Variants in KANK1 observed in about 807,000 individuals in gnomAD.
The protein encoded by KANK1 is KN motif and ankyrin repeat domains 1.
KANK1 carries 109 observed loss-of-function variants against 106.2 expected under a neutral mutation model. The observed-to-expected ratio is 1.03, with a 90% confidence interval of 0.88 to 1.20. The LOEUF is 1.20. Ranked by LOEUF, KANK1 falls within the 50% of genes most tolerant of loss-of-function variation. KANK1 has a pLI of 0.00. For missense variants in KANK1, 2,399 were observed against 1,710.7 expected, an observed-to-expected ratio of 1.40 and a Z score of -7.10; for synonymous variants, 873 against 652.2, an observed-to-expected ratio of 1.34 and a Z score of -5.16.
At chr9:614,681 G>C (rs1302143874) in intron 1 of KANK1, among the ~76,000 whole-genome samples, 1 of 152,142 alleles carries the variant, frequency 6.6e-6, no homozygotes, top group African/African-American at 2.4e-5. Flanking sequence ...GCATTTCCGT[G>C]TGCCTCCTGG....
intron 1 of KANK1, among the ~76,000 whole-genome samples, chr9:550,387 C>G (rs774615386): frequency 2.6e-5 from 4 of 152,172 alleles, no homozygotes; most frequent in African/African-American, 4.8e-5. Flanking sequence ...TACATGAAGC[C>G]TGATTGCAGA....
rs543605379 is a variant in KANK1 at position 588,516 on chromosome 9, C to T, written c.-84+83762C>T. 2.6e-5 allele frequency among the ~76,000 whole-genome samples: 4 copies of T among 152,036 alleles called. No individual in the cohort carries two copies. The East Asian group carries it at 7.7e-4, about 29-fold the overall frequency. ...TCGAAAGGCCACACCAGTTTATAAT[C>T]TCAGTAGCAGTATATTGAAGTACCT... On this transcript the variant is annotated intron_variant, in intron 1 of 11. Transcript: ENST00000382297.
chr9:726,412 G>T (rs985745639), intron 3 of KANK1, among the ~76,000 whole-genome samples: 2 of 152,268 alleles, frequency 1.3e-5, no homozygotes, highest in South Asian at 2.1e-4. Context: ...GCTGAGGCGG[G>T]TGGATCACCT....
intron 1 of KANK1, among the ~76,000 whole-genome samples, chr9:643,215 G>A (rs1171146141): frequency 2.0e-5 from 3 of 150,812 alleles, no homozygotes; most frequent in Non-Finnish European, 4.4e-5. Flanking sequence ...TTTTTGGTGT[G>A]TGTTTGTGTG....
chr9:504,776 T>TGACGCGGCGGG (rs1564132497), intron 1 of KANK1, 22 bp downstream of exon 1: 1 of 16,736 alleles, frequency 6.0e-5, no homozygotes, highest in Non-Finnish European at 1.2e-4. Context: ...GGCGGGGCCG[T>TGACGCGGCGGG]GCCGCGCCCC....
At chr9:690,143 A>AAC (rs1296407865) in intron 2 of KANK1, among the ~76,000 whole-genome samples, 3 of 148,668 alleles carry the variant, frequency 2.0e-5, no homozygotes, top group Admixed American at 6.7e-5. Context: ...CAAAAAAAAA[A>AAC]AAAAAAAAAA....
At chr9:639,722 A>G (rs1837960420) in intron 1 of KANK1, among the ~76,000 whole-genome samples, 1 of 152,172 alleles carries the variant, frequency 6.6e-6, no homozygotes, top group African/African-American at 2.4e-5. Flanking sequence ...GCTGTAACAA[A>G]ATGCTACAGA....
chr9:667,087 T>C (rs9408661), intron 1 of KANK1, among the ~76,000 whole-genome samples: 27,925 of 151,466 alleles, frequency 0.18, 3,001 homozygotes, highest in East Asian at 0.32. Flanking sequence ...CGACTTTTCT[T>C]TGATAGGAGA....
chr9:724,799 C>G (rs771932391), intron 3 of KANK1, among the ~76,000 whole-genome samples: 48 of 150,988 alleles, frequency 3.2e-4, no homozygotes, highest in Non-Finnish European at 5.9e-4. Context: ...GAGACTCAAT[C>G]TCAAAAAAAA....
chr9:479,645 A>G (rs879682802), intron 3 of KANK1, among the ~76,000 whole-genome samples: 2 of 152,252 alleles, frequency 1.3e-5, no homozygotes, highest in African/African-American at 2.4e-5. Flanking sequence ...AAAATATGTA[A>G]GAATAGTCAC....
chr9:735,920 G>A (rs890787162), intron 7 of KANK1: 8 of 240,786 alleles, frequency 3.3e-5, no homozygotes, highest in East Asian at 9.2e-5. Flanking sequence ...GCTTGCACCC[G>A]GGAGGTGGTG....
intron 1 of KANK1, among the ~76,000 whole-genome samples, chr9:555,332 A>G (rs12353509): frequency 0.073 from 11,138 of 152,142 alleles, 1,116 homozygotes; most frequent in East Asian, 0.22. Flanking sequence ...TGCCTCCCCT[A>G]CCTTCCACAC....
chr9:715,577 A>C (rs1320978509), intron 3 of KANK1, among the ~76,000 whole-genome samples: 1 of 152,246 alleles, frequency 6.6e-6, no homozygotes, highest in Non-Finnish European at 1.5e-5. Context: ...AGTCACACTG[A>C]CATGCCACAC....
intron 1 of KANK1, among the ~76,000 whole-genome samples, chr9:518,908 G>C (rs4742062): frequency 1.3e-5 from 2 of 149,634 alleles, no homozygotes; most frequent in African/African-American, 5.0e-5. Context: ...TTTTTGTTTT[G>C]AGACAGAGTT....
intron 2 of KANK1, chr9:684,539 C>A (rs931747570): frequency 1.2e-5 from 12 of 974,408 alleles, no homozygotes; most frequent in Middle Eastern, 5.2e-4. Flanking sequence ...GATTTGAAAA[C>A]TCTGTGCTCT....
At position 535,331 on chromosome 9, in the gene KANK1, A is replaced by G. The variant is rs1323397031; in HGVS notation, c.-84+30577A>G. On this transcript the variant is annotated intron_variant, in intron 1 of 11. Transcript: ENST00000382297. ...TTTCCTTCCCTTATGCAAAGGCCCT[A>G]CGTCTTCCCTGGGAGAAGAGTCCTC... Among the ~76,000 whole-genome samples, 5 of 152,200 alleles carry G rather than the reference A, an allele frequency of 3.3e-5. No individual in the cohort carries two copies. In the East Asian group the frequency reaches 5.8e-4, roughly 18 times the overall value.
At chr9:628,475 C>A (rs1418080241) in intron 1 of KANK1, among the ~76,000 whole-genome samples, 1 of 152,172 alleles carries the variant, frequency 6.6e-6, no homozygotes, top group Non-Finnish European at 1.5e-5. Context: ...AATCAGTATA[C>A]ATCTTAAAGT....
intron 1 of KANK1, among the ~76,000 whole-genome samples, chr9:575,319 A>C (rs1023911635): frequency 2.0e-5 from 3 of 152,204 alleles, no homozygotes; most frequent in African/African-American, 7.2e-5. Context: ...TCAGTCACGC[A>C]GTTGGTGACA....
intron 1 of KANK1, among the ~76,000 whole-genome samples, chr9:528,304 C>G (rs1265992613): frequency 1.3e-5 from 2 of 151,822 alleles, no homozygotes; most frequent in African/African-American, 4.8e-5. Flanking sequence ...AACTTTCCCT[C>G]TTTTCATTGA....
Sources: gnomAD v4.1 joint callset for allele counts (sites outside exome capture counted in the v4.1 genomes callset) on GRCh38, gnomAD v4.1.1 for gene constraint, MANE v1.5 for transcripts, NCBI Gene and HGNC (gene_info 2026-07-23, HGNC 2026-07-21) for gene names.